The following CACNA1C variants were observed in gnomAD, a reference collection of about 807,000 sequenced individuals.
The protein encoded by CACNA1C is voltage-dependent L-type calcium channel subunit alpha-1C.
In CACNA1C, 30 loss-of-function variants were observed where a neutral mutation model predicts 229.0. The ratio of observed to expected loss-of-function variants is 0.13; its 90% confidence interval spans 0.10 to 0.18. The LOEUF is 0.18. Ranked by LOEUF, CACNA1C falls within the 10% of genes least tolerant of loss-of-function variation. CACNA1C has a pLI of 1.00. For synonymous variants in CACNA1C, 1,114 were observed against 1,132.5 expected (o/e 0.98, Z 0.33); for missense variants, 1,658 against 2,845.0 (o/e 0.58, Z 9.49).
At chr12:2,190,839 C>T (rs2097188245) in intron 3 of CACNA1C, among the ~76,000 whole-genome samples, 2 of 152,282 alleles carry the variant, frequency 1.3e-5, no homozygotes, top group South Asian at 4.1e-4. Context: ...AATACTTCTG[C>T]CGACAGGCTG....
intron 3 of CACNA1C, chr12:2,269,714 A>G (rs950788514): frequency 2.0e-5 from 3 of 152,230 alleles, no homozygotes; most frequent in African/African-American, 7.2e-5. Context: ...TCAACGGAAC[A>G]GAGTTTCTTG....
chr12:2,389,424 G>A (rs2098448227), intron 3 of CACNA1C, among the ~76,000 whole-genome samples: 1 of 152,162 alleles, frequency 6.6e-6, no homozygotes, highest in Admixed American at 6.5e-5. Context: ...TTGGGATCAA[G>A]GGATATCTTC....
At chr12:1,981,812 AAT>A (rs999816613) in intron 1 of CACNA1C, among the ~76,000 whole-genome samples, 1 of 152,222 alleles carries the variant, frequency 6.6e-6, no homozygotes, top group African/African-American at 2.4e-5. Flanking sequence ...TGGGTTTTGA[AAT>A]ATGAGTAGAA....
intron 3 of CACNA1C, among the ~76,000 whole-genome samples, chr12:2,149,552 A>G (rs1158194387): frequency 3.3e-5 from 5 of 152,226 alleles, no homozygotes; most frequent in African/African-American, 7.2e-5. Context: ...AGAGTGGGCT[A>G]CTGACTTTTC....
chr12:2,163,770 C>T (rs2096052597), intron 3 of CACNA1C, among the ~76,000 whole-genome samples: 1 of 152,142 alleles, frequency 6.6e-6, no homozygotes. Context: ...GCCTCTGAGG[C>T]ATTCCAGTGA....
At position 2,688,629 on chromosome 12, in the gene CACNA1C, C is replaced by T. The variant is rs779808454; in HGVS notation, c.5967C>T (p.Ser1989=). The T allele has an allele frequency of 3.1e-6, 5 of 1,614,004 alleles. No homozygotes were observed. In the South Asian group the frequency reaches 3.3e-5, roughly 11 times the overall value. The change falls in exon 46 of 47, where the codon TCC becomes TCT. Residue 1989 remains serine (S), a synonymous_variant. Coordinates refer to ENST00000399655, the MANE Select transcript of CACNA1C (RefSeq NM_000719.7). Reference sequence around the variant, plus strand: ...AGAAACTCAACAGCAGCTTCCCATCCATCCACTGCGGCTCCTGGGCTGAGA... The same window carrying T: ...AGAAACTCAACAGCAGCTTCCCATCTATCCACTGCGGCTCCTGGGCTGAGA... ...SSEKLNSSFP[S]IHCGSWAETT...
chr12:2,422,558 A>G (rs780896221), intron 3 of CACNA1C, among the ~76,000 whole-genome samples: 36 of 152,254 alleles, frequency 2.4e-4, no homozygotes, highest in Middle Eastern at 3.4e-3. Context: ...TAGGATGGCC[A>G]TGTTTTCCAG....
chr12:2,222,887 A>G (rs2061840898), intron 3 of CACNA1C, among the ~76,000 whole-genome samples: 1 of 152,264 alleles, frequency 6.6e-6, no homozygotes, highest in African/African-American at 2.4e-5. Context: ...CCTATTGGAA[A>G]TGAACCTGCA....
intron 9 of CACNA1C, among the ~76,000 whole-genome samples, chr12:2,540,978 A>G (rs2099868568): frequency 1.3e-5 from 2 of 152,082 alleles, no homozygotes; most frequent in Admixed American, 1.3e-4. Context: ...GTCATGAGGG[A>G]AAAGGGGTCA....
intron 18 of CACNA1C, among the ~76,000 whole-genome samples, chr12:2,591,679 T>C (rs567400844): frequency 3.9e-5 from 6 of 152,200 alleles, no homozygotes; most frequent in African/African-American, 1.4e-4. Flanking sequence ...GAGCACACAG[T>C]GAGCTTGTCA....
intron 3 of CACNA1C, among the ~76,000 whole-genome samples, chr12:2,408,912 A>G (rs1375082094): frequency 1.3e-5 from 2 of 152,024 alleles, no homozygotes; most frequent in Non-Finnish European, 2.9e-5. Flanking sequence ...CATAACATCA[A>G]GTAAGAAGCC....
intron 3 of CACNA1C, among the ~76,000 whole-genome samples, chr12:2,422,116 C>T (rs139446926): frequency 8.5e-5 from 13 of 152,264 alleles, no homozygotes; most frequent in Admixed American, 6.5e-5. Context: ...AAATGCGGCC[C>T]ATTCAGTTTC....
intron 1 of CACNA1C, among the ~76,000 whole-genome samples, chr12:2,076,593 A>G (rs976518242): frequency 1.3e-5 from 2 of 151,824 alleles, no homozygotes; most frequent in African/African-American, 4.8e-5. Context: ...GAGCAAAAAC[A>G]GTTTTCCAAG....
chr12:2,019,553 G>GGAAGGAAGGAAGGAAA (rs2046036228), intron 1 of CACNA1C, among the ~76,000 whole-genome samples: 1 of 139,556 alleles, frequency 7.2e-6, no homozygotes, highest in Non-Finnish European at 1.5e-5. Flanking sequence ...AAGGAAAGAA[G>GGAAGGAAGGAAGGAAA]GAAGGAAGGA....
intron 3 of CACNA1C, among the ~76,000 whole-genome samples, chr12:2,292,810 G>A (rs964877868): frequency 4.6e-5 from 7 of 152,312 alleles, no homozygotes; most frequent in East Asian, 1.9e-4. Flanking sequence ...GGATGTGGCT[G>A]TAGTGTCTCT....
chr12:2,260,494 AAG>A (rs1491080549), intron 3 of CACNA1C, among the ~76,000 whole-genome samples: 2 of 150,798 alleles, frequency 1.3e-5, no homozygotes, highest in African/African-American at 4.9e-5. Flanking sequence ...AAAAAAAAAA[AAG>A]AACAAGAAGA....
intron 3 of CACNA1C, among the ~76,000 whole-genome samples, chr12:2,444,667 C>A (rs1263204318): frequency 1.3e-5 from 2 of 152,160 alleles, no homozygotes; most frequent in Admixed American, 6.5e-5. Flanking sequence ...TTCTTGAAGT[C>A]CCCTGCTGCA....
chr12:2,457,622 G>A lies in CACNA1C; in HGVS notation c.673G>A (p.Gly225Arg), dbSNP rs1250247511. ...ATKADGANAL[G>R]GKGAGFDVKA... ...CAAAGCAGATGGGGCAAACGCTCTC[G>A]GAGGGAAAGGGGCCGGATTTGATGT... Residue 225 changes from glycine (G) to arginine (R), a missense_variant, in exon 5 of 47, where the codon GGA (glycine) becomes AGA (arginine). Physicochemically the swap from Gly to Arg is moderately radical, Grantham distance 125. Transcript: ENST00000399655. The A allele has an allele frequency of 6.8e-6, 11 of 1,613,238 alleles. No homozygotes were observed. Among genetic ancestry groups the A allele is most frequent in the Admixed American group, 1.7e-5 (1 of 59,904 alleles).
upstream of CACNA1C, among the ~76,000 whole-genome samples, chr12:2,049,793 T>A (rs2051790175): frequency 6.6e-6 from 1 of 152,106 alleles, no homozygotes; most frequent in Admixed American, 6.5e-5. Context: ...ACCTCCCAAA[T>A]CCCCAAATCG....
Sources: gnomAD v4.1 joint callset for allele counts (sites outside exome capture counted in the v4.1 genomes callset) on GRCh38, gnomAD v4.1.1 for gene constraint, MANE v1.5 for transcripts, NCBI Gene and HGNC (gene_info 2026-07-23, HGNC 2026-07-21) for gene names.